ANKRD30BL: variants seen among roughly 807,000 people sequenced by gnomAD.
ANKRD30BL encodes ankyrin repeat domain 30B like, also known as putative ankyrin repeat domain-containing protein 30B-like.
A neutral mutation model predicts 18.4 loss-of-function variants in ANKRD30BL; 20 were observed. That is an observed-to-expected ratio of 1.09 (90% CI 0.77 to 1.58). ANKRD30BL has a LOEUF of 1.58. Among genes scored for constraint, ANKRD30BL ranks in the 40% most tolerant of loss-of-function variants. The probability of loss-of-function intolerance (pLI) is 0.00; values close to 1 mark genes in which losing one functional copy is unlikely to be tolerated. For synonymous variants in ANKRD30BL, 72 were observed against 100.9 expected (o/e 0.71, Z 1.72); for missense variants, 224 against 268.6 (o/e 0.83, Z 1.16).
intron 1 of ANKRD30BL, among the ~76,000 whole-genome samples, chr2:132,179,526 T>G (rs1688424076): frequency 1.3e-5 from 2 of 152,212 alleles, no homozygotes; most frequent in African/African-American, 2.4e-5. Flanking sequence ...TGCCCTCAAG[T>G]GATCCTCCCG....
intron 1 of ANKRD30BL, among the ~76,000 whole-genome samples, chr2:132,196,741 A>T (rs1678976308): frequency 6.6e-6 from 1 of 151,776 alleles, no homozygotes; most frequent in African/African-American, 2.4e-5. Context: ...CAGGAGTAGG[A>T]GGTTGCAGTG....
chr2:132,235,390 G>C (rs1680126998), intron 1 of ANKRD30BL, among the ~76,000 whole-genome samples: 1 of 152,132 alleles, frequency 6.6e-6, no homozygotes, highest in African/African-American at 2.4e-5. Flanking sequence ...AAAAGAGGAA[G>C]TCAAATTGTC....
At chr2:132,161,431 G>A (rs1573806703) in intron 1 of ANKRD30BL, 57 bp downstream of exon 1, 1 of 1,395,234 alleles carries the variant, frequency 7.2e-7, no homozygotes, top group Non-Finnish European at 9.9e-7. Context: ...CTGAAGGGGC[G>A]ATCCTCCCAC....
intron 1 of ANKRD30BL, among the ~76,000 whole-genome samples, chr2:132,190,895 T>C (rs1414722423): frequency 6.6e-6 from 1 of 152,110 alleles, no homozygotes; most frequent in African/African-American, 2.4e-5. Flanking sequence ...AAACATACTA[T>C]TGTAGGATTT....
intron 1 of ANKRD30BL, among the ~76,000 whole-genome samples, chr2:132,205,859 A>T (rs1679202045): frequency 6.6e-6 from 1 of 151,816 alleles, no homozygotes; most frequent in African/African-American, 2.4e-5. Flanking sequence ...TGTTGAAATG[A>T]GATTTCAATG....
chr2:132,186,972 T>C (rs879708504), intron 1 of ANKRD30BL, among the ~76,000 whole-genome samples: 47 of 152,066 alleles, frequency 3.1e-4, no homozygotes, highest in Admixed American at 2.2e-3. Flanking sequence ...GGTTGAAAAT[T>C]GTCATCCCAT....
At chr2:132,229,739 C>T (rs1474448098) in intron 1 of ANKRD30BL, among the ~76,000 whole-genome samples, 1 of 151,880 alleles carries the variant, frequency 6.6e-6, no homozygotes, top group East Asian at 1.9e-4. Context: ...TTGGTAGAAA[C>T]TGCAAGTGGA....
At position 132,147,937 on chromosome 2, in the gene ANKRD30BL, A is replaced by C; in HGVS notation, c.*194T>G. 1 of 552,610 alleles carries C rather than the reference A, an allele frequency of 1.8e-6. No individual in the cohort carries two copies. The highest frequency in any genetic ancestry group is 3.3e-6 in the Non-Finnish European group (1 of 305,016). The allele number at this position is 552,610 out of a possible 1,614,324, so 34.2% of individuals were successfully genotyped here. On this transcript the variant is annotated 3_prime_UTR_variant, in exon 6 of 6. Coordinates refer to ENST00000409867, the MANE Select transcript of ANKRD30BL (RefSeq NM_001358416.1). ...GAGGCTAGAAGGGGGCTGTTTAATG[A>C]AACTAGGGGCAAGGAGGCATAACGA...
At chr2:132,257,339 G>A (rs77207633) in intron 1 of ANKRD30BL, among the ~76,000 whole-genome samples, 1 of 152,220 alleles carries the variant, frequency 6.6e-6, no homozygotes, top group Admixed American at 6.5e-5. Flanking sequence ...CAGCGGAACG[G>A]GTCACAAGCC....
intron 1 of ANKRD30BL, among the ~76,000 whole-genome samples, chr2:132,234,673 T>G (rs1296469258): frequency 2.0e-5 from 3 of 152,026 alleles, no homozygotes; most frequent in Admixed American, 6.6e-5. Flanking sequence ...AATAACAGGC[T>G]CTGAAATTGT....
At chr2:132,256,367 A>AC (rs1262158702) in intron 1 of ANKRD30BL, among the ~76,000 whole-genome samples, 1 of 150,156 alleles carries the variant, frequency 6.7e-6, no homozygotes, top group African/African-American at 2.4e-5. Flanking sequence ...AGGACACAAA[A>AC]CCCCCCGACG....
chr2:132,244,335 G>A (rs139335736), intron 1 of ANKRD30BL, among the ~76,000 whole-genome samples: 1 of 152,282 alleles, frequency 6.6e-6, no homozygotes, highest in Admixed American at 6.5e-5. Context: ...CTTTGATAGA[G>A]CAGATTGGAA....
At chr2:132,218,792 T>C (rs369146962) in intron 1 of ANKRD30BL, among the ~76,000 whole-genome samples, 1 of 151,988 alleles carries the variant, frequency 6.6e-6, no homozygotes, top group African/African-American at 2.4e-5. Flanking sequence ...TCATTGGAAA[T>C]GGGAATATCT....
At chr2:132,195,083 G>A (rs1249333069) in intron 1 of ANKRD30BL, among the ~76,000 whole-genome samples, 3 of 152,094 alleles carry the variant, frequency 2.0e-5, no homozygotes, top group African/African-American at 7.2e-5. Flanking sequence ...GAACAAAATG[G>A]ATATAAATAG....
chr2:132,153,022 G>T (rs765235794), intron 4 of ANKRD30BL, among the ~76,000 whole-genome samples: 4 of 152,198 alleles, frequency 2.6e-5, no homozygotes, highest in Non-Finnish European at 4.4e-5. Context: ...GAAGACTGAA[G>T]AACCTGTGTT....
At chr2:132,171,169 G>GAAT (rs1688275396) in intron 1 of ANKRD30BL, among the ~76,000 whole-genome samples, 1 of 120,574 alleles carries the variant, frequency 8.3e-6, no homozygotes, top group Non-Finnish European at 1.7e-5. Flanking sequence ...AAAAAAAAAA[G>GAAT]AATAACACTT....
At chr2:132,190,774 G>C (rs1290249644) in intron 1 of ANKRD30BL, among the ~76,000 whole-genome samples, 1 of 152,174 alleles carries the variant, frequency 6.6e-6, no homozygotes, top group East Asian at 1.9e-4. Context: ...AGCGAATTAT[G>C]ATAAGCAGAT....
At chr2:132,253,483 C>T (rs77744345) in intron 1 of ANKRD30BL, among the ~76,000 whole-genome samples, 4 of 152,022 alleles carry the variant, frequency 2.6e-5, no homozygotes, top group Admixed American at 6.6e-5. Context: ...GGGGGGCAAA[C>T]GCTGACACCA....
chr2:132,231,304 C>A (rs935558534), intron 1 of ANKRD30BL, among the ~76,000 whole-genome samples: 1 of 152,154 alleles, frequency 6.6e-6, no homozygotes, highest in African/African-American at 2.4e-5. Flanking sequence ...TTGAGGCCTT[C>A]ATTGAAAACG....
Sources: allele counts gnomAD v4.1 joint callset (sites outside exome capture counted in the v4.1 genomes callset), GRCh38; gene constraint gnomAD v4.1.1; transcripts MANE v1.5; gene names NCBI Gene and HGNC (gene_info 2026-07-23, HGNC 2026-07-21).